Variants in ARB2A observed in about 807,000 individuals in gnomAD.
ARB2A encodes the protein ARB2 cotranscriptional regulator A.
At chr5:93,783,565 C>G in the ARB2A span, among the ~76,000 whole-genome samples, 1 of 152,188 alleles carries the variant, frequency 6.6e-6, no homozygotes, top group Admixed American at 6.5e-5. Flanking sequence ...TTAAGAAAAA[C>G]TGGAAGAAAA....
chr5:93,682,436 G>T, the ARB2A span, among the ~76,000 whole-genome samples: 1 of 150,380 alleles, frequency 6.6e-6, no homozygotes, highest in Non-Finnish European at 1.5e-5. Context: ...AAATTTCCCT[G>T]AATTTCTCTT....
chr5:93,761,875 A>C, the ARB2A span, among the ~76,000 whole-genome samples: 1 of 152,236 alleles, frequency 6.6e-6, no homozygotes, highest in Non-Finnish European at 1.5e-5. Context: ...AGGAACGATC[A>C]GGCAGCAACA....
At chr5:94,047,617 T>G in the ARB2A span, among the ~76,000 whole-genome samples, 2 of 152,218 alleles carry the variant, frequency 1.3e-5, no homozygotes, top group African/African-American at 2.4e-5. Context: ...GAATATGCTC[T>G]CTCTCTGTAA....
At chr5:94,048,566 C>G in the ARB2A span, among the ~76,000 whole-genome samples, 1 of 152,120 alleles carries the variant, frequency 6.6e-6, no homozygotes, top group Non-Finnish European at 1.5e-5. Flanking sequence ...CAGGGTATAG[C>G]AGGCAGCATG....
the ARB2A span, among the ~76,000 whole-genome samples, chr5:93,631,565 A>G: frequency 6.6e-6 from 1 of 152,216 alleles, no homozygotes; most frequent in East Asian, 1.9e-4. Flanking sequence ...GCAAAGAATC[A>G]CAAAGTAGTT....
At chr5:94,106,883 A>AC in the ARB2A span, among the ~76,000 whole-genome samples, 2 of 151,128 alleles carry the variant, frequency 1.3e-5, no homozygotes, top group East Asian at 3.9e-4. Context: ...AAAAAAAAAA[A>AC]AAAAAAAAAC....
the ARB2A span, among the ~76,000 whole-genome samples, chr5:93,642,704 A>G: frequency 1.3e-5 from 2 of 152,044 alleles, no homozygotes; most frequent in Non-Finnish European, 2.9e-5. Flanking sequence ...TTTTTTTTGT[A>G]GAGACAAGGT....
the ARB2A span, among the ~76,000 whole-genome samples, chr5:93,696,967 C>T: frequency 6.8e-6 from 1 of 147,378 alleles, no homozygotes; most frequent in Non-Finnish European, 1.5e-5. Flanking sequence ...GAGGCTGAGG[C>T]AGGAGAATCG....
the ARB2A span, among the ~76,000 whole-genome samples, chr5:94,050,252 CTTTTT>C: frequency 1.5e-5 from 2 of 132,616 alleles, no homozygotes; most frequent in African/African-American, 2.8e-5. Flanking sequence ...AAAACAGAAA[CTTTTT>C]TTTTTTTTTT....
At chr5:93,770,783 A>G in the ARB2A span, among the ~76,000 whole-genome samples, 1 of 152,160 alleles carries the variant, frequency 6.6e-6, no homozygotes, top group Non-Finnish European at 1.5e-5. Context: ...ACTACAAAAC[A>G]CTGCTCAATG....
chr5:93,992,404 G>A, the ARB2A span, among the ~76,000 whole-genome samples: 2 of 151,908 alleles, frequency 1.3e-5, no homozygotes, highest in African/African-American at 4.8e-5. Context: ...GTAAGTTAAG[G>A]ATACATATTG....
At chr5:93,666,503 CTTT>C in the ARB2A span, among the ~76,000 whole-genome samples, 1 of 139,506 alleles carries the variant, frequency 7.2e-6, no homozygotes. Flanking sequence ...GTGCTATATC[CTTT>C]TTTTTTTTTT....
At chr5:93,885,134 A>T in the ARB2A span, among the ~76,000 whole-genome samples, 2 of 151,710 alleles carry the variant, frequency 1.3e-5, no homozygotes, top group East Asian at 1.9e-4. Context: ...AATACCATTT[A>T]AAAAAGTGAT....
the ARB2A span, among the ~76,000 whole-genome samples, chr5:93,770,591 T>A: frequency 6.6e-6 from 1 of 152,176 alleles, no homozygotes; most frequent in Non-Finnish European, 1.5e-5. Flanking sequence ...CTTAAGCTGA[T>A]AAGCAACTTC....
At chr5:93,769,981 G>C in the ARB2A span, among the ~76,000 whole-genome samples, 1 of 152,152 alleles carries the variant, frequency 6.6e-6, no homozygotes, top group Non-Finnish European at 1.5e-5. Context: ...ATAAGATCAA[G>C]TATGATAAAG....
the ARB2A span, among the ~76,000 whole-genome samples, chr5:93,936,035 T>C: frequency 3.9e-5 from 6 of 152,318 alleles, no homozygotes; most frequent in African/African-American, 1.4e-4. Flanking sequence ...GAATAGACTT[T>C]GAGTATTTTT....
chr5:93,836,008 A>G, the ARB2A span, among the ~76,000 whole-genome samples: 1 of 152,196 alleles, frequency 6.6e-6, no homozygotes. Flanking sequence ...CAACCAATCC[A>G]CAAGGATAAG....
the ARB2A span, among the ~76,000 whole-genome samples, chr5:93,763,958 T>TAA: frequency 6.6e-6 from 1 of 152,064 alleles, no homozygotes; most frequent in African/African-American, 2.4e-5. Context: ...ACTGGGTACA[T>TAA]AACAAAATGA....
the ARB2A span, among the ~76,000 whole-genome samples, chr5:94,095,174 C>G: frequency 1.3e-5 from 2 of 152,130 alleles, no homozygotes; most frequent in African/African-American, 4.8e-5. Flanking sequence ...ACCAAAAGCC[C>G]CACCCTAAGT....
Sources: allele counts gnomAD v4.1 joint callset (sites outside exome capture counted in the v4.1 genomes callset), GRCh38; gene constraint gnomAD v4.1.1; transcripts MANE v1.5; gene names NCBI Gene and HGNC (gene_info 2026-07-23, HGNC 2026-07-21).